MTFR1: variants seen among roughly 807,000 people sequenced by gnomAD.
MTFR1 encodes the protein mitochondrial fission regulator 1.
A neutral mutation model predicts 38.8 loss-of-function variants in MTFR1; 28 were observed. The observed-to-expected ratio is 0.72, with a 90% CI of 0.53 to 0.99. MTFR1 has a LOEUF of 0.99. Ranked by LOEUF, MTFR1 falls within the 50% of genes least tolerant of loss-of-function variation. The pLI is 0.00. For synonymous variants in MTFR1, 145 were observed against 137.0 expected (o/e 1.06, Z -0.41); for missense variants, 358 against 395.5 (o/e 0.91, Z 0.81).
chr8:65,760,015 A>G (rs903548581), intron 3 of MTFR1, among the ~76,000 whole-genome samples: 2 of 152,122 alleles, frequency 1.3e-5, no homozygotes, highest in East Asian at 3.8e-4. Context: ...CGAGGCAGGC[A>G]GATCACTTGA....
At chr8:65,742,224 G>C (rs1807470067) in intron 3 of MTFR1, among the ~76,000 whole-genome samples, 1 of 152,232 alleles carries the variant, frequency 6.6e-6, no homozygotes, top group Non-Finnish European at 1.5e-5. Context: ...GCCTATGAAA[G>C]AGTGGTCCTC....
At chr8:65,683,873 GTC>G (rs1253648146) in intron 3 of MTFR1, among the ~76,000 whole-genome samples, 1 of 152,148 alleles carries the variant, frequency 6.6e-6, no homozygotes, top group African/African-American at 2.4e-5. Context: ...GTGGTAGTAA[GTC>G]TCTCAAGTAC....
chr8:65,679,948 A>G (rs551835764), intron 2 of MTFR1, among the ~76,000 whole-genome samples: 13 of 152,272 alleles, frequency 8.5e-5, no homozygotes, highest in African/African-American at 2.6e-4. Flanking sequence ...CAGTTTTCTA[A>G]TCTTTGCCAT....
At chr8:65,771,433 T>C (rs1809078100), downstream of MTFR1, among the ~76,000 whole-genome samples, 1 of 152,186 alleles carries the variant, frequency 6.6e-6, no homozygotes, top group Non-Finnish European at 1.5e-5. Context: ...TAAAAAATTA[T>C]GAATAGTTTT....
At chr8:65,701,392 A>G (rs1365080088) in intron 4 of MTFR1, among the ~76,000 whole-genome samples, 3 of 152,254 alleles carry the variant, frequency 2.0e-5, no homozygotes, top group East Asian at 1.9e-4. Context: ...AGACATTGTC[A>G]TCAAGCGTTT....
At chr8:65,665,028 G>A (rs925894512) in intron 1 of MTFR1, among the ~76,000 whole-genome samples, 2 of 149,008 alleles carry the variant, frequency 1.3e-5, no homozygotes, top group Non-Finnish European at 3.0e-5. Flanking sequence ...TCTGCCTCCC[G>A]GGTTCAAGCC....
chr8:65,671,783 T>A (rs79326141), intron 2 of MTFR1, among the ~76,000 whole-genome samples: 7,405 of 152,204 alleles, frequency 0.049, 950 homozygotes, highest in East Asian at 0.46. Context: ...ATCTGAAATT[T>A]GTCTCTGTCA....
At chr8:65,749,042 G>C (rs968751909) in intron 3 of MTFR1, among the ~76,000 whole-genome samples, 11 of 152,144 alleles carry the variant, frequency 7.2e-5, no homozygotes, top group African/African-American at 2.2e-4. Context: ...GCTCTTTGTA[G>C]ACTTGACTCA....
chr8:65,761,126 C>A (rs1808475714), intron 3 of MTFR1, among the ~76,000 whole-genome samples: 1 of 151,662 alleles, frequency 6.6e-6, no homozygotes, highest in Non-Finnish European at 1.5e-5. Context: ...GTGGCGCAAT[C>A]TCAGCTCACT....
intron 3 of MTFR1, among the ~76,000 whole-genome samples, chr8:65,764,602 G>C (rs547931831): frequency 6.6e-6 from 1 of 152,292 alleles, no homozygotes; most frequent in East Asian, 1.9e-4. Flanking sequence ...AGCACTAAAA[G>C]CTTCCAAATA....
downstream of MTFR1, among the ~76,000 whole-genome samples, chr8:65,713,544 G>A (rs1361563713): frequency 4.6e-5 from 7 of 151,706 alleles, no homozygotes; most frequent in Non-Finnish European, 1.0e-4. Flanking sequence ...CAGACTTTAA[G>A]GTGGGTTTCA....
At chr8:65,760,431 C>A (rs1379402159) in intron 3 of MTFR1, among the ~76,000 whole-genome samples, 1 of 152,096 alleles carries the variant, frequency 6.6e-6, no homozygotes, top group Non-Finnish European at 1.5e-5. Flanking sequence ...AATTTTTGTA[C>A]ACAACCTAAT....
chr8:65,762,037 C>T (rs1051117105), intron 3 of MTFR1, among the ~76,000 whole-genome samples: 2 of 152,202 alleles, frequency 1.3e-5, no homozygotes, highest in African/African-American at 4.8e-5. Flanking sequence ...GGGAGCCCTG[C>T]AGCCACTGTA....
chr8:65,701,641 T>A (rs1450295620), intron 4 of MTFR1, among the ~76,000 whole-genome samples: 1 of 152,202 alleles, frequency 6.6e-6, no homozygotes, highest in South Asian at 2.1e-4. Context: ...AACATACTTA[T>A]AAAAGTCTGT....
intron 3 of MTFR1, among the ~76,000 whole-genome samples, chr8:65,769,724 C>T (rs1391656021): frequency 2.0e-5 from 3 of 152,010 alleles, no homozygotes; most frequent in East Asian, 1.9e-4. Flanking sequence ...AGTGAAACCC[C>T]GTCTCTACTG....
At chr8:65,645,215 C>G (rs540427506) in intron 1 of MTFR1, among the ~76,000 whole-genome samples, 1 of 152,352 alleles carries the variant, frequency 6.6e-6, no homozygotes, top group East Asian at 1.9e-4. Context: ...GGCTCAGGAG[C>G]CGGACTGCGC....
intron 3 of MTFR1, among the ~76,000 whole-genome samples, chr8:65,730,637 A>G (rs995205299): frequency 6.6e-6 from 1 of 152,130 alleles, no homozygotes; most frequent in African/African-American, 2.4e-5. Flanking sequence ...GTCTAAAAAC[A>G]GAGAACTAGG....
chr8:65,716,174 A>G (rs1806138249), intron 2 of MTFR1, among the ~76,000 whole-genome samples: 1 of 150,886 alleles, frequency 6.6e-6, no homozygotes, highest in South Asian at 2.1e-4. Context: ...CAAAAGGGCT[A>G]TAGAAGGTGA....
intron 3 of MTFR1, among the ~76,000 whole-genome samples, chr8:65,760,049 G>A (rs143170896): frequency 0.039 from 5,974 of 152,204 alleles, 171 homozygotes; most frequent in Non-Finnish European, 0.06. Context: ...AGACTAGCCT[G>A]GCTAATATGG....
Sources: gnomAD v4.1 joint callset for allele counts (sites outside exome capture counted in the v4.1 genomes callset) on GRCh38, gnomAD v4.1.1 for gene constraint, MANE v1.5 for transcripts, NCBI Gene and HGNC (gene_info 2026-07-23, HGNC 2026-07-21) for gene names.